The following CFAP47 variants were observed in gnomAD, a reference collection of about 807,000 sequenced individuals.
CFAP47 encodes the protein cilia- and flagella-associated protein 47.
A neutral mutation model predicts 148.1 loss-of-function variants in CFAP47; 29 were observed. The observed-to-expected ratio is 0.20, with a 90% CI of 0.15 to 0.27. CFAP47 has a LOEUF of 0.27. Ranked by LOEUF, CFAP47 falls within the 10% of genes least tolerant of loss-of-function variation. The pLI, the probability that CFAP47 is intolerant of heterozygous loss-of-function variation, is 1.00. For missense variants in CFAP47, 1,872 were observed against 1,697.5 expected, an observed-to-expected ratio of 1.10 and a Z score of -1.81; for synonymous variants, 664 against 577.3, an observed-to-expected ratio of 1.15 and a Z score of -2.15.
intron 45 of CFAP47, among the ~76,000 whole-genome samples, chrX:36,213,985 G>A (rs1304610689): frequency 8.9e-6 from 1 of 111,759 alleles, no homozygotes; most frequent in Non-Finnish European, 1.9e-5. Context: ...ACTTACCTCT[G>A]TGAATACAAT....
At chrX:36,111,960 A>G (rs1009834818) in intron 33 of CFAP47, among the ~76,000 whole-genome samples, 2 of 111,047 alleles carry the variant, frequency 1.8e-5, no homozygotes, top group Non-Finnish European at 3.8e-5. Context: ...TACCCTTTGT[A>G]ATTTCTAATT....
chrX:36,074,454 G>C (rs749212634), intron 29 of CFAP47, among the ~76,000 whole-genome samples: 2 of 110,950 alleles, frequency 1.8e-5, no homozygotes, highest in African/African-American at 6.5e-5. Flanking sequence ...TTATTTGAGG[G>C]GATTTCCTAT....
intron 57 of CFAP47, among the ~76,000 whole-genome samples, chrX:36,330,398 C>T (rs782581898): frequency 4.5e-5 from 5 of 112,083 alleles, no homozygotes; most frequent in Non-Finnish European, 7.5e-5. Context: ...ATAGCTAGAA[C>T]ATGTTTTTCT....
At position 35,956,510 on chromosome X, in the gene CFAP47, G is replaced by A. The variant is rs1380562279; in HGVS notation, c.1410+314G>A. 1.8e-5 allele frequency among the ~76,000 whole-genome samples: 2 copies of A among 112,095 alleles called. 1 individual carries two copies. The highest frequency in any genetic ancestry group is 7.3e-4 in the South Asian group (2 of 2,743). On this transcript the variant is annotated intron_variant, in intron 8 of 63. Transcript: ENST00000378653. ...TAAGGAGAATATAAAACATGTTAAA[G>A]TTGTAACAAGGTGATATAGAAACTC...
In CFAP47 at chrX:36,286,419, A is replaced by G. The variant is rs1306694455; in HGVS notation, c.7686+693A>G. On this transcript the variant is annotated intron_variant, in intron 51 of 63. Transcript: ENST00000378653. ...GAATCTTGAACTTTGGTTCCAATAA[A>G]TAGAAAGTAAAAAAAAAAAAAGATT... 9.6e-5 allele frequency among the ~76,000 whole-genome samples: 10 copies of G among 103,962 alleles called. No individual in the cohort carries two copies. In the East Asian group the frequency reaches 3.2e-3, roughly 33 times the overall value. The allele number at this position is 103,962 out of a possible 115,157, so 90.3% of individuals were successfully genotyped here. A position where few individuals can be genotyped will look rare whatever the true frequency, so the allele number is the denominator to read the frequency against.
Position 36,376,926 on chromosome X carries a change from C to T in CFAP47, c.9186-2424C>T, listed in dbSNP as rs1331382207. Among the ~76,000 whole-genome samples, 12 of 109,734 alleles carry T rather than the reference C, an allele frequency of 1.1e-4. No homozygotes were observed. The Admixed American group carries it at 1.2e-3, about 11-fold the overall frequency. ...TGCTGAGAATGATGGTTTCTAGCTT[C>T]ATCCGTGTCCCTACAAAGGACATGA... is the stretch of plus-strand genomic sequence containing the variant. On this transcript the variant is annotated intron_variant, in intron 62 of 63. Coordinates refer to ENST00000378653, the MANE Select transcript of CFAP47 (RefSeq NM_001304548.2).
intron 62 of CFAP47, among the ~76,000 whole-genome samples, chrX:36,371,728 ATG>A (rs782589743): frequency 0.051 from 2,507 of 49,156 alleles, 446 homozygotes; most frequent in African/African-American, 0.18. Flanking sequence ...ATATACACAC[ATG>A]TGTGTATATA....
intron 23 of CFAP47, 80 bp downstream of exon 23, chrX:36,031,427 C>T (rs1418892402): frequency 3.7e-6 from 1 of 267,602 alleles, no homozygotes; most frequent in Non-Finnish European, 6.6e-6. Context: ...TATTCATAAG[C>T]ATGAGTGATA....
At chrX:36,372,010 A>G (rs1439257154) in intron 62 of CFAP47, among the ~76,000 whole-genome samples, 1 of 87,429 alleles carries the variant, frequency 1.1e-5, no homozygotes, top group African/African-American at 5.5e-5. Flanking sequence ...ATATGTGTGT[A>G]TCTATGTGTA....
rs915571993 is a variant in CFAP47 at position 35,958,086 on chromosome X, G to C, written c.1410+1890G>C. 2.7e-5 allele frequency among the ~76,000 whole-genome samples: 3 copies of C among 111,141 alleles called. No individual in the cohort carries two copies. The East Asian group carries it at 8.4e-4, about 31-fold the overall frequency. On this transcript the variant is annotated intron_variant, in intron 8 of 63. Transcript: ENST00000378653. ...TGGCAAGTATTAATCTATTCTCTCT[G>C]TCAGTAGGTTTTCCAGTTTGGGTCA... is the stretch of plus-strand genomic sequence containing the variant.
At chrX:36,317,936 T>C (rs1941450231) in intron 56 of CFAP47, among the ~76,000 whole-genome samples, 1 of 111,851 alleles carries the variant, frequency 8.9e-6, no homozygotes, top group African/African-American at 3.2e-5. Context: ...TATCTTAACA[T>C]TTGGAACTTG....
intron 15 of CFAP47, among the ~76,000 whole-genome samples, chrX:35,981,455 G>A (rs748368428): frequency 9.2e-6 from 1 of 108,472 alleles, no homozygotes; most frequent in Non-Finnish European, 1.9e-5. Flanking sequence ...AAAGTAAGAG[G>A]ATAAAAAACT....
At chrX:36,339,773 ATATAT>A (rs1416547222) in intron 57 of CFAP47, among the ~76,000 whole-genome samples, 1 of 112,172 alleles carries the variant, frequency 8.9e-6, no homozygotes, top group Admixed American at 9.5e-5. Flanking sequence ...ATTTGTGCTA[ATATAT>A]TCTTAAAAAG....
At chrX:36,304,203 A>G (rs5972038) in intron 54 of CFAP47, among the ~76,000 whole-genome samples, 36,713 of 109,299 alleles carry the variant, frequency 0.34, 7,477 homozygotes, top group African/African-American at 0.76. Context: ...CCAACATGGC[A>G]AAACCCCGTC....
chrX:36,164,542 T>C (rs1445753006), intron 39 of CFAP47, among the ~76,000 whole-genome samples: 1 of 111,972 alleles, frequency 8.9e-6, no homozygotes, highest in African/African-American at 3.2e-5. Context: ...ATCTATTTTT[T>C]ATCTTTCAAT....
intron 50 of CFAP47, among the ~76,000 whole-genome samples, chrX:36,281,771 G>A (rs1340719428): frequency 8.9e-6 from 1 of 112,003 alleles, no homozygotes; most frequent in East Asian, 2.8e-4. Context: ...CAGAATCCAT[G>A]GACTAAAGAG....
At chrX:36,232,686 A>G (rs1940384112) in intron 46 of CFAP47, among the ~76,000 whole-genome samples, 1 of 111,114 alleles carries the variant, frequency 9.0e-6, no homozygotes, top group Non-Finnish European at 1.9e-5. Flanking sequence ...TTGCTTTTCT[A>G]GTTCTTTTAA....
intron 32 of CFAP47, among the ~76,000 whole-genome samples, chrX:36,102,477 G>GT (rs201871847): frequency 1.7e-3 from 186 of 110,659 alleles, no homozygotes; most frequent in African/African-American, 4.4e-3. Context: ...AAATTAATAA[G>GT]TTTTTTTTTA....
chrX:36,227,508 G>A (rs1940284286), intron 45 of CFAP47, among the ~76,000 whole-genome samples: 1 of 108,589 alleles, frequency 9.2e-6, no homozygotes, highest in African/African-American at 3.6e-5. Context: ...AAGGATTTAG[G>A]GTAGTTAATG....
Sources: allele counts gnomAD v4.1 joint callset (sites outside exome capture counted in the v4.1 genomes callset), GRCh38; gene constraint gnomAD v4.1.1; transcripts MANE v1.5; gene names NCBI Gene and HGNC (gene_info 2026-07-23, HGNC 2026-07-21).